Variants in BCAS3 observed in about 807,000 individuals in gnomAD.
The protein encoded by BCAS3 is BCAS3 microtubule associated cell migration factor.
BCAS3 carries 53 observed loss-of-function variants against 116.1 expected under a neutral mutation model. That is an observed-to-expected ratio of 0.46 (90% CI 0.37 to 0.57). The LOEUF (loss-of-function observed/expected upper bound fraction) is 0.57, where lower values mean the gene tolerates loss of function less well. Ranked by LOEUF, BCAS3 falls within the 20% of genes least tolerant of loss-of-function variation. The probability of loss-of-function intolerance (pLI) is 0.00; values close to 1 mark genes in which losing one functional copy is unlikely to be tolerated. For synonymous variants in BCAS3, 391 were observed against 408.2 expected, an observed-to-expected ratio of 0.96 and a Z score of 0.51; for missense variants, 917 against 1,165.4, an observed-to-expected ratio of 0.79 and a Z score of 3.10.
chr17:61,182,639 G>A (rs2079547439), intron 22 of BCAS3, among the ~76,000 whole-genome samples: 1 of 152,152 alleles, frequency 6.6e-6, no homozygotes, highest in Non-Finnish European at 1.5e-5. Flanking sequence ...CTATTACCCT[G>A]TGTTCCCATA....
At chr17:60,770,727 C>T (rs778920409) in intron 6 of BCAS3, among the ~76,000 whole-genome samples, 30 of 150,906 alleles carry the variant, frequency 2.0e-4, no homozygotes, top group African/African-American at 6.5e-4. Flanking sequence ...CTCTCTTAGA[C>T]GGTCTATTTG....
intron 6 of BCAS3, among the ~76,000 whole-genome samples, chr17:60,806,088 G>C (rs1329730203): frequency 6.6e-6 from 1 of 151,750 alleles, no homozygotes; most frequent in Admixed American, 6.6e-5. Context: ...TGTTGGCCAG[G>C]CTGGTCTCGC....
intron 19 of BCAS3, among the ~76,000 whole-genome samples, chr17:61,064,337 GT>G (rs1294432574): frequency 6.6e-6 from 1 of 152,008 alleles, no homozygotes; most frequent in Non-Finnish European, 1.5e-5. Flanking sequence ...TACTTGGACT[GT>G]TTGAAATTTT....
chr17:61,069,445 T>C (rs2071079759), intron 19 of BCAS3, among the ~76,000 whole-genome samples: 1 of 152,186 alleles, frequency 6.6e-6, no homozygotes, highest in Non-Finnish European at 1.5e-5. Flanking sequence ...TGCACAGATT[T>C]TTAAATTCAT....
At chr17:60,853,001 T>G (rs1352759006) in intron 7 of BCAS3, among the ~76,000 whole-genome samples, 1 of 152,224 alleles carries the variant, frequency 6.6e-6, no homozygotes, top group Non-Finnish European at 1.5e-5. Context: ...CAAAGATGCG[T>G]ATAGCAACTT....
At position 60,911,587 on chromosome 17, in the gene BCAS3, C is replaced by T. The variant is rs569561061; in HGVS notation, c.993+885C>T. Among the ~76,000 whole-genome samples the T allele has an allele frequency of 1.7e-4, 25 of 151,274 alleles. No homozygotes were observed. In the East Asian group the frequency reaches 2.1e-3, roughly 13 times the overall value. On this transcript the variant is annotated intron_variant, in intron 12 of 23. Transcript: ENST00000407086. ...TGCTGGGATTACAGGCATGAGCCAC[C>T]GCGCCCAGCCTTAATTTTTGTATTT...
At chr17:61,025,545 C>T (rs370559414) in intron 16 of BCAS3, among the ~76,000 whole-genome samples, 89 of 152,018 alleles carry the variant, frequency 5.9e-4, no homozygotes, top group Admixed American at 1.6e-3. Flanking sequence ...TGTGTGTACT[C>T]GTGCACATAC....
intron 22 of BCAS3, among the ~76,000 whole-genome samples, chr17:61,231,958 G>A (rs1348167065): frequency 6.6e-6 from 1 of 151,208 alleles, no homozygotes; most frequent in African/African-American, 2.4e-5. Flanking sequence ...TGTAATCCCA[G>A]CACTTTGGGA....
chr17:60,691,566 T>C (rs1250995887), intron 4 of BCAS3, among the ~76,000 whole-genome samples: 1 of 152,192 alleles, frequency 6.6e-6, no homozygotes, highest in African/African-American at 2.4e-5. Context: ...TTCATGTCCA[T>C]TGCCCATTTT....
At chr17:61,303,608 T>C (rs960548482) in intron 22 of BCAS3, among the ~76,000 whole-genome samples, 3 of 152,154 alleles carry the variant, frequency 2.0e-5, no homozygotes, top group Non-Finnish European at 4.4e-5. Context: ...GTGGGTACAG[T>C]GGGGAGTGAC....
chr17:61,091,506 C>G (rs2073567493), intron 22 of BCAS3, among the ~76,000 whole-genome samples: 1 of 152,192 alleles, frequency 6.6e-6, no homozygotes. Flanking sequence ...TTTAAACTGT[C>G]TGCAAGAGCC....
intron 22 of BCAS3, among the ~76,000 whole-genome samples, chr17:61,312,636 ATAGTC>A (rs1274395927): frequency 6.6e-6 from 1 of 152,170 alleles, no homozygotes; most frequent in Non-Finnish European, 1.5e-5. Flanking sequence ...TCCTGGAACA[ATAGTC>A]TAGTGTACCA....
At chr17:60,912,050 G>A (rs2058542568) in intron 12 of BCAS3, among the ~76,000 whole-genome samples, 2 of 152,006 alleles carry the variant, frequency 1.3e-5, no homozygotes, top group Admixed American at 1.3e-4. Context: ...TGCTGGTAAG[G>A]TATCATTTGG....
At chr17:61,174,053 A>G (rs1466706809) in intron 22 of BCAS3, among the ~76,000 whole-genome samples, 1 of 152,216 alleles carries the variant, frequency 6.6e-6, no homozygotes, top group Non-Finnish European at 1.5e-5. Flanking sequence ...GATACTATTA[A>G]TGGATTGCCA....
At chr17:60,760,550 G>A (rs1020504611) in intron 6 of BCAS3, among the ~76,000 whole-genome samples, 2 of 150,930 alleles carry the variant, frequency 1.3e-5, no homozygotes, top group African/African-American at 4.9e-5. Context: ...ATTCTCTCCA[G>A]GCCTGTAGCT....
intron 22 of BCAS3, among the ~76,000 whole-genome samples, chr17:61,116,572 G>A (rs2075471278): frequency 6.6e-6 from 1 of 152,108 alleles, no homozygotes; most frequent in Non-Finnish European, 1.5e-5. Flanking sequence ...CCATGTTTTT[G>A]CTTACTATGT....
chr17:61,078,273 G>A, intron 20 of BCAS3, 60 bp from the exon 21 acceptor site: 12 of 1,378,398 alleles, frequency 8.7e-6, no homozygotes, highest in Non-Finnish European at 1.2e-5. Flanking sequence ...ATGGGGGATT[G>A]TGAAGTCTCT....
chr17:61,143,666 C>T (rs113751344), intron 22 of BCAS3, among the ~76,000 whole-genome samples: 5 of 151,814 alleles, frequency 3.3e-5, no homozygotes, highest in African/African-American at 7.3e-5. Context: ...AAAATTAGCC[C>T]GGCATGGTGG....
rs537713939 is a variant in BCAS3, at chr17:61,026,463, C to T, written c.1638-8203C>T. 3.3e-5 allele frequency among the ~76,000 whole-genome samples: 5 copies of T among 152,106 alleles called. No homozygotes were observed. In the South Asian group the frequency reaches 8.3e-4, roughly 25 times the overall value. On this transcript the variant is annotated intron_variant, in intron 16 of 23. Transcript: ENST00000407086. The surrounding 1 kb of genome is among the most constrained non-coding windows in gnomAD (Gnocchi z 5.0). ...CATATCAAATTTTTTATCCAGTCAT[C>T]GTTAGCTAATTTTAACCATTTTGTG...
Sources: gnomAD v4.1 joint callset for allele counts (sites outside exome capture counted in the v4.1 genomes callset) on GRCh38, gnomAD v4.1.1 for gene constraint, Gnocchi (gnomAD v3.1) non-coding constraint, MANE v1.5 for transcripts, NCBI Gene and HGNC (gene_info 2026-07-23, HGNC 2026-07-21) for gene names.